Variants in PKDREJ observed in about 807,000 individuals in gnomAD.
The protein encoded by PKDREJ is PKD and REJ homolog.
For missense variants in PKDREJ, 2,507 were observed against 2,807.2 expected (o/e 0.89, Z 2.42); for synonymous variants, 1,031 against 1,095.5 (o/e 0.94, Z 1.16).
At position 46,256,287 on chromosome 22, in the gene PKDREJ, C is replaced by T. The variant is rs6007730; in HGVS notation, c.*274G>A. 7,203 of 440,532 alleles carry T rather than the reference C, an allele frequency of 0.016. 429 individuals are homozygous for T. Among genetic ancestry groups the T allele is most frequent in the African/African-American group, 0.13 (6,280 of 50,096 alleles). 27.3% of individuals were successfully genotyped at this position (440,532 alleles called of 1,614,324 possible). Reference sequence around the variant, plus strand: ...CCAAAGAAACAGGGTTGCCCTTGTACGGGGAGTCACATAACTCCCCTCTAA... The same window carrying T: ...CCAAAGAAACAGGGTTGCCCTTGTATGGGGAGTCACATAACTCCCCTCTAA... On this transcript the variant is annotated 3_prime_UTR_variant, in exon 1 of 1. Coordinates refer to ENST00000253255, the MANE Select transcript of PKDREJ (RefSeq NM_006071.2). The surrounding 1 kb of genome is among the most constrained non-coding windows in gnomAD (Gnocchi z 5.3).
chr22:46,257,011 C>G lies in PKDREJ; in HGVS notation c.6312G>C (p.Met2104Ile), dbSNP rs371351852. The change falls in exon 1 of 1, where the codon ATG becomes ATC. Residue 2104 changes from methionine to isoleucine, a missense_variant. Met to Ile is a conservative substitution (Grantham distance 10, BLOSUM62 1). Coordinates refer to ENST00000253255, the MANE Select transcript of PKDREJ (RefSeq NM_006071.2). This position sits in a 1 kb window ranked among gnomAD's most constrained non-coding sequence, Gnocchi z 4.7. ...FVVSVYFFVYMAFGYLVFGQH... is the reference protein window; with the variant it reads ...FVVSVYFFVYIAFGYLVFGQH... ...GACCAAACACCAGGTAACCAAAAGCCATGTATACGAAGAAATACACGGACA... is the reference window on the plus strand; with the variant it reads ...GACCAAACACCAGGTAACCAAAAGCGATGTATACGAAGAAATACACGGACA... 41 of 1,613,828 alleles carry G rather than the reference C, an allele frequency of 2.5e-5. No homozygotes were observed. The African/African-American group carries it at 4.1e-4, about 16-fold the overall frequency.
In PKDREJ at chr22:46,256,974, TC is replaced by T. The variant is rs1247616702; in HGVS notation, c.6348del (p.Trp2116Ter). 6.2e-7 allele frequency: 1 copy of T among 1,613,908 alleles called. No individual in the cohort carries two copies. The highest frequency in any genetic ancestry group is 8.5e-7 in the Non-Finnish European group (1 of 1,180,040). On this transcript the variant is annotated frameshift_variant, in exon 1 of 1. Coordinates refer to ENST00000253255, the MANE Select transcript of PKDREJ (RefSeq NM_006071.2). LOFTEE classifies it low-confidence loss of function (END_TRUNC). The surrounding 1 kb of genome is among the most constrained non-coding windows in gnomAD (Gnocchi z 5.3). The part of the protein sequence containing the change: ...FGYLVFGQHE[W>X]NYSNLIHSTQ... ...GTGGAATGAATCAAGTTACTGTAGTTCCATTCATGCTGACCAAACACCAGGT... is the reference window on the plus strand; with the variant it reads ...GTGGAATGAATCAAGTTACTGTAGTTCATTCATGCTGACCAAACACCAGGT...
Position 46,262,558 on chromosome 22 carries a change from G to A in PKDREJ, c.765C>T (p.Ile255=), listed in dbSNP as rs747476613. 1 of 1,604,544 alleles carries A rather than the reference G, an allele frequency of 6.2e-7. No individual in the cohort carries two copies. The highest frequency in any genetic ancestry group is 8.5e-7 in the Non-Finnish European group (1 of 1,175,484). Residue 255 remains isoleucine, a synonymous_variant, in exon 1 of 1, where the codon ATC becomes ATT. Coordinates refer to ENST00000253255, the MANE Select transcript of PKDREJ (RefSeq NM_006071.2). This position sits in a 1 kb window ranked among gnomAD's most constrained non-coding sequence, Gnocchi z 8.1. ...VQLDCPAARA[I]AQYWQVFSVP... The stretch of plus-strand genomic sequence containing the variant: ...CGGAGAACACCTGCCAGTACTGGGC[G>A]ATGGCGCGCGCGGCCGGGCAGTCCA...
Position 46,257,699 on chromosome 22 carries a change from G to A in PKDREJ, c.5624C>T (p.Thr1875Ile), listed in dbSNP as rs1203491707. 7 of 1,614,176 alleles carry A rather than the reference G, an allele frequency of 4.3e-6. No individual in the cohort carries two copies. In the Admixed American group the frequency reaches 6.7e-5, roughly 15 times the overall value. ...WLYYSYGLLHTYGSGGYALYF... is the reference protein window; with the variant it reads ...WLYYSYGLLHIYGSGGYALYF... ...GAGTGCATATCCTCCAGATCCATAG[G>A]TGTGTAGTAGTCCATAGGAATAATA... Residue 1875 changes from threonine (T) to isoleucine (I), a missense_variant, in exon 1 of 1, where the codon ACC becomes ATC. By Grantham distance (89) the Thr-to-Ile change is moderately conservative. Coordinates refer to ENST00000253255, the MANE Select transcript of PKDREJ (RefSeq NM_006071.2). The surrounding 1 kb of genome is among the most constrained non-coding windows in gnomAD (Gnocchi z 4.7).
At position 46,257,740 on chromosome 22, in the gene PKDREJ, T is replaced by G; in HGVS notation, c.5583A>C (p.Gln1861His). ...ESTNGFTYKP[Q>H]GTQWLYYSYG... ...AGGAATAATATAGCCATTGCGTTCCTTGAGGCTTATAAGTAAATCCATTGG... is the reference window on the plus strand; with the variant it reads ...AGGAATAATATAGCCATTGCGTTCCGTGAGGCTTATAAGTAAATCCATTGG... Residue 1861 changes from glutamine (Q) to histidine (H), a missense_variant, in exon 1 of 1, where the codon CAA becomes CAC. By Grantham distance (24) the Gln-to-His change is conservative. Coordinates refer to ENST00000253255, the MANE Select transcript of PKDREJ (RefSeq NM_006071.2). This position sits in a 1 kb window ranked among gnomAD's most constrained non-coding sequence, Gnocchi z 4.7. 1 of 1,614,132 alleles carries G rather than the reference T, an allele frequency of 6.2e-7. No individual in the cohort carries two copies. Among genetic ancestry groups the G allele is most frequent in the African/African-American group, 1.3e-5 (1 of 75,066 alleles).
rs755130655 is a variant in PKDREJ at position 46,258,149 on chromosome 22, A to C, written c.5174T>G (p.Leu1725Trp). 88 of 1,614,064 alleles carry C rather than the reference A, an allele frequency of 5.5e-5. No individual in the cohort carries two copies. The highest frequency in any genetic ancestry group is 7.4e-5 in the Non-Finnish European group (87 of 1,179,990). ...GTGACGTAGTAAGACGATAAGGATC[A>C]ACAGAAGGGCTAGAAAGATAAAGTG... ...LTHFIFLALL[L>W]ILIVLLRHTD... The change falls in exon 1 of 1, where the codon TTG becomes TGG. Residue 1725 changes from leucine (L) to tryptophan (W), a missense_variant. Transcript: ENST00000253255. The surrounding 1 kb of genome is among the most constrained non-coding windows in gnomAD (Gnocchi z 6.1).
Position 46,262,990 on chromosome 22 carries a change from C to CGCGAGT in PKDREJ, c.332_333insACTCGC (p.Ala111_Leu112dup). On this transcript the variant is annotated inframe_insertion, in exon 1 of 1. Coordinates refer to ENST00000253255, the MANE Select transcript of PKDREJ (RefSeq NM_006071.2). The surrounding 1 kb of genome is among the most constrained non-coding windows in gnomAD (Gnocchi z 8.1). ...GCGCGGAGAGCTGCAGGTCGACGAG[C>CGCGAGT]GCGAGCGCGGGCGCGGCCGGCCAGG... 9.2e-7 allele frequency: 1 copy of CGCGAGT among 1,085,246 alleles called. No individual in the cohort carries two copies. Among genetic ancestry groups the CGCGAGT allele is most frequent in the Non-Finnish European group, 1.1e-6 (1 of 894,314 alleles). The allele number at this position is 1,085,246 out of a possible 1,614,324, so 67.2% of individuals were successfully genotyped here.
rs1297790802 is a variant in PKDREJ, at chr22:46,258,476, CAA to C, written c.4845_4846del (p.Phe1615LeufsTer14). 8 of 1,614,060 alleles carry C rather than the reference CAA, an allele frequency of 5.0e-6. No individual in the cohort carries two copies. The highest frequency in any genetic ancestry group is 6.8e-6 in the Non-Finnish European group (8 of 1,179,998). On this transcript the variant is annotated frameshift_variant, in exon 1 of 1. Coordinates refer to ENST00000253255, the MANE Select transcript of PKDREJ (RefSeq NM_006071.2). LOFTEE classifies it low-confidence loss of function (END_TRUNC). This position sits in a 1 kb window ranked among gnomAD's most constrained non-coding sequence, Gnocchi z 6.1. Reference sequence around the variant, plus strand: ...CAGAAGAACTGACTGACAGAATGAACAAAAAGATGCAAAGAGCCATTCTATTG... The same window carrying C: ...CAGAAGAACTGACTGACAGAATGAACAAAGATGCAAAGAGCCATTCTATTG...
At position 46,261,824 on chromosome 22, in the gene PKDREJ, C is replaced by T; in HGVS notation, c.1499G>A (p.Gly500Asp). The T allele has an allele frequency of 1.2e-6, 2 of 1,614,032 alleles. No homozygotes were observed. Among genetic ancestry groups the T allele is most frequent in the South Asian group, 1.1e-5 (1 of 91,078 alleles). The change falls in exon 1 of 1, where the codon GGT (glycine) becomes GAT (aspartate). Residue 500 changes from glycine (G) to aspartate (D), a missense_variant. Transcript: ENST00000253255. The surrounding 1 kb of genome is among the most constrained non-coding windows in gnomAD (Gnocchi z 7.1). ...FYKWSILSSS[G>D]GEMLFDWMGE... is the part of the protein sequence containing the mutation. ...CATCCAATCAAATAGCATCTCACCACCTGAAGAAGACAAAATTGACCATTT... is the reference window on the plus strand; with the variant it reads ...CATCCAATCAAATAGCATCTCACCATCTGAAGAAGACAAAATTGACCATTT...
rs375624607 is a variant in PKDREJ, at chr22:46,258,942, C to T, written c.4381G>A (p.Glu1461Lys). 1.9e-6 allele frequency: 3 copies of T among 1,614,114 alleles called. No homozygotes were observed. Among genetic ancestry groups the T allele is most frequent in the Non-Finnish European group, 2.5e-6 (3 of 1,180,010 alleles). The change falls in exon 1 of 1, where the codon GAG (glutamate) becomes AAG (lysine). Residue 1461 changes from glutamate (E) to lysine (K), a missense_variant. By Grantham distance (56) the Glu-to-Lys change is moderately conservative (BLOSUM62 1). Coordinates refer to ENST00000253255, the MANE Select transcript of PKDREJ (RefSeq NM_006071.2). The surrounding 1 kb of genome is among the most constrained non-coding windows in gnomAD (Gnocchi z 6.1). ...AGAGGATGCTTTTGAGGAGATACCT[C>T]CTTTAGATCCGCTTGAGGTTTCCTC... Reference protein sequence around the residue: ...SQRKPQADLKEVSPQKHPLMS... With the variant: ...SQRKPQADLKKVSPQKHPLMS...
At position 46,256,356 on chromosome 22, in the gene PKDREJ, C is replaced by T. The variant is rs886583739; in HGVS notation, c.*205G>A. On this transcript the variant is annotated 3_prime_UTR_variant, in exon 1 of 1. Coordinates refer to ENST00000253255, the MANE Select transcript of PKDREJ (RefSeq NM_006071.2). The surrounding 1 kb of genome is among the most constrained non-coding windows in gnomAD (Gnocchi z 5.3). Reference sequence around the variant, plus strand: ...ATCCCACACTGTGATCCTGCTGTCTCCCCAGATGCTACACTACACTCCCAA... The same window carrying T: ...ATCCCACACTGTGATCCTGCTGTCTTCCCAGATGCTACACTACACTCCCAA... 2 of 754,420 alleles carry T rather than the reference C, an allele frequency of 2.7e-6. No individual in the cohort carries two copies. Among genetic ancestry groups the T allele is most frequent in the Admixed American group, 3.2e-5 (1 of 31,578 alleles). The allele number at this position is 754,420 out of a possible 1,614,324, so 46.7% of individuals were successfully genotyped here.
Position 46,263,334 on chromosome 22 carries a change from A to T in PKDREJ, c.-12T>A. On this transcript the variant is annotated 5_prime_UTR_variant, in exon 1 of 1. Coordinates refer to ENST00000253255, the MANE Select transcript of PKDREJ (RefSeq NM_006071.2). This position sits in a 1 kb window ranked among gnomAD's most constrained non-coding sequence, Gnocchi z 9.4. ...GGCCCAGGCCTCATGGCGCCGGCCC[A>T]GGAGAAGCTGGGAGAGGCCGCGAGG... The T allele has an allele frequency of 7.3e-7, 1 of 1,367,796 alleles. No individual in the cohort carries two copies. Among genetic ancestry groups the T allele is most frequent in the Non-Finnish European group, 9.4e-7 (1 of 1,065,702 alleles). 84.7% of individuals were successfully genotyped at this position (1,367,796 alleles called of 1,614,324 possible).
Position 46,263,050 on chromosome 22 carries a change from G to C in PKDREJ, c.273C>G (p.Leu91=), listed in dbSNP as rs1446904280. ...GGGCGCTGAGCAGGACGCGCAAGTCGAGGCAGTACCAGCGCCGCCCGGTCC... is the reference window on the plus strand; with the variant it reads ...GGGCGCTGAGCAGGACGCGCAAGTCCAGGCAGTACCAGCGCCGCCCGGTCC... ...HGGTGRRWYC[L]DLRVLLSAQR... Residue 91 remains leucine (L), a synonymous_variant, in exon 1 of 1, where the codon CTC becomes CTG. Coordinates refer to ENST00000253255, the MANE Select transcript of PKDREJ (RefSeq NM_006071.2). This position sits in a 1 kb window ranked among gnomAD's most constrained non-coding sequence, Gnocchi z 9.4. 1.9e-5 allele frequency: 25 copies of C among 1,334,602 alleles called. No homozygotes were observed. The highest frequency in any genetic ancestry group is 1.7e-4 in the Admixed American group (6 of 34,450). The allele number at this position is 1,334,602 out of a possible 1,614,324, so 82.7% of individuals were successfully genotyped here.
Position 46,262,586 on chromosome 22 carries a change from T to G in PKDREJ, c.737A>C (p.Gln246Pro), listed in dbSNP as rs761760395. 8 of 1,611,012 alleles carry G rather than the reference T, an allele frequency of 5.0e-6. No individual in the cohort carries two copies. The highest frequency in any genetic ancestry group is 5.9e-6 in the Non-Finnish European group (7 of 1,178,884). Residue 246 changes from glutamine to proline, a missense_variant, in exon 1 of 1, where the codon CAG (glutamine) becomes CCG (proline). Physicochemically the swap from Gln to Pro is moderately conservative, Grantham distance 76 (BLOSUM62 -1). Transcript: ENST00000253255. This position sits in a 1 kb window ranked among gnomAD's most constrained non-coding sequence, Gnocchi z 8.1. ...QAEATINASVQLDCPAARAIA... is the reference protein window; with the variant it reads ...QAEATINASVPLDCPAARAIA... ...GGCGCGCGCGGCCGGGCAGTCCAGC[T>G]GCACCGAGGCGTTGATGGTGGCCTC...
In PKDREJ at chr22:46,256,579, C is replaced by T. The variant is rs1373857853; in HGVS notation, c.6744G>A (p.Met2248Ile). 1.2e-6 allele frequency: 2 copies of T among 1,612,904 alleles called. No homozygotes were observed. Among genetic ancestry groups the T allele is most frequent in the Non-Finnish European group, 1.7e-6 (2 of 1,179,542 alleles). The change falls in exon 1 of 1, where the codon ATG becomes ATA. Residue 2248 changes from methionine to isoleucine, a missense_variant. By Grantham distance (10) the Met-to-Ile change is conservative. Transcript: ENST00000253255. This position sits in a 1 kb window ranked among gnomAD's most constrained non-coding sequence, Gnocchi z 5.3. ...LKTRNINGKK[M>I]VYLVV ...TCATTCATCAAACAACAAGGTAAAC[C>T]ATTTTCTTCCCGTTGATGTTTCTGG...
rs1180842309 is a variant in PKDREJ, at chr22:46,259,247, A to C, written c.4076T>G (p.Phe1359Cys). 2 of 1,613,812 alleles carry C rather than the reference A, an allele frequency of 1.2e-6. No individual in the cohort carries two copies. The highest frequency in any genetic ancestry group is 3.3e-5 in the Admixed American group (2 of 59,960). ...CCGGAGATTACTACTCACATCTATA[A>C]AGAAAAAGTCTTTTCTAGTCAGACG... ...DERLTRKDFF[F>C]IDVSSNLRKN... Residue 1359 changes from phenylalanine (F) to cysteine (C), a missense_variant, in exon 1 of 1, where the codon TTT becomes TGT. Phe to Cys is a radical substitution (Grantham distance 205). Transcript: ENST00000253255. This position sits in a 1 kb window ranked among gnomAD's most constrained non-coding sequence, Gnocchi z 6.8.
rs765584793 is a variant in PKDREJ, at chr22:46,258,131, A to G, written c.5192T>C (p.Leu1731Pro). The change falls in exon 1 of 1, where the codon CTA (leucine) becomes CCA (proline). Residue 1731 changes from leucine (L) to proline (P), a missense_variant. Transcript: ENST00000253255. This position sits in a 1 kb window ranked among gnomAD's most constrained non-coding sequence, Gnocchi z 6.1. Reference sequence around the variant, plus strand: ...ATAGTAAAAGCAGTCAGTGTGACGTAGTAAGACGATAAGGATCAACAGAAG... The same window carrying G: ...ATAGTAAAAGCAGTCAGTGTGACGTGGTAAGACGATAAGGATCAACAGAAG... ...LALLLILIVL[L>P]RHTDCFYYNQ... is the part of the protein sequence containing the mutation. 5 of 1,613,980 alleles carry G rather than the reference A, an allele frequency of 3.1e-6. No homozygotes were observed. In the South Asian group the frequency reaches 4.4e-5, roughly 14 times the overall value.
At position 46,259,369 on chromosome 22, in the gene PKDREJ, A is replaced by G. The variant is rs1432949091; in HGVS notation, c.3954T>C (p.Asn1318=). The G allele has an allele frequency of 6.2e-7, 1 of 1,614,136 alleles. No homozygotes were observed. Residue 1318 remains asparagine (N), a synonymous_variant, in exon 1 of 1, where the codon AAT becomes AAC. Transcript: ENST00000253255. The surrounding 1 kb of genome is among the most constrained non-coding windows in gnomAD (Gnocchi z 6.8). ...ACAGCCAAATGTGCCTGCTAAACAG[A>G]TTTTCCACTTTGATTCTACTTAAAT... ...SWYLSRIKVE[N]LFSRHIWLFI... is the part of the protein sequence containing the mutation.
rs1601857232 is a variant in PKDREJ, at chr22:46,263,257, C to T, written c.66G>A (p.Pro22=). ...VGLSLSVGRL[P]LPPVPRGAQA... Reference sequence around the variant, plus strand: ...GTGCCCCGCGAGGAACCGGCGGCAGCGGGAGGCGGCCGACGCTCAGGCTCA... The same window carrying T: ...GTGCCCCGCGAGGAACCGGCGGCAGTGGGAGGCGGCCGACGCTCAGGCTCA... Residue 22 remains proline, a synonymous_variant, in exon 1 of 1, where the codon CCG becomes CCA. Coordinates refer to ENST00000253255, the MANE Select transcript of PKDREJ (RefSeq NM_006071.2). The surrounding 1 kb of genome is among the most constrained non-coding windows in gnomAD (Gnocchi z 9.4). 6.8e-7 allele frequency: 1 copy of T among 1,468,030 alleles called. No individual in the cohort carries two copies. Among genetic ancestry groups the T allele is most frequent in the Non-Finnish European group, 8.9e-7 (1 of 1,117,582 alleles). The allele number at this position is 1,468,030 out of a possible 1,614,324, so 90.9% of individuals were successfully genotyped here. A position where few individuals can be genotyped will look rare whatever the true frequency, so the allele number is the denominator to read the frequency against.
Sources: gnomAD v4.1 joint callset for allele counts on GRCh38, gnomAD v4.1.1 for gene constraint, Gnocchi (gnomAD v3.1) non-coding constraint, MANE v1.5 for transcripts, NCBI Gene and HGNC (gene_info 2026-07-23, HGNC 2026-07-21) for gene names.